The following CATSPER3 variants were observed in gnomAD, a reference collection of about 807,000 sequenced individuals.
CATSPER3 encodes the protein cation channel sperm associated 3, also known as cation channel sperm-associated protein 3.
A neutral mutation model predicts 36.6 loss-of-function variants in CATSPER3; 23 were observed. The observed-to-expected ratio is 0.63, with a 90% confidence interval of 0.45 to 0.89. The LOEUF (loss-of-function observed/expected upper bound fraction) is 0.89. Among genes scored for constraint, CATSPER3 ranks in the 40% least tolerant of loss-of-function variants. CATSPER3 has a pLI of 0.00. For synonymous variants in CATSPER3, 172 were observed against 184.1 expected, an observed-to-expected ratio of 0.93 and a Z score of 0.53; for missense variants, 474 against 503.9, an observed-to-expected ratio of 0.94 and a Z score of 0.57.
chr5:135,010,516 C>G lies in CATSPER3; in HGVS notation c.1080C>G (p.Asp360Glu). The G allele has an allele frequency of 6.2e-7, 1 of 1,614,152 alleles. No individual in the cohort carries two copies. Among genetic ancestry groups the G allele is most frequent in the Non-Finnish European group, 8.5e-7 (1 of 1,179,962 alleles). The change falls in exon 7 of 8, where the codon GAC becomes GAG. Residue 360 changes from aspartate to glutamate, a missense_variant. By Grantham distance (45) the Asp-to-Glu change is conservative. Coordinates refer to ENST00000282611, the MANE Select transcript of CATSPER3 (RefSeq NM_178019.3). ...ACTTTTCCACTCTGGACTACCAGGA[C>G]ACAACTGTCCACAAGTCAGTTCCAG... is the stretch of plus-strand genomic sequence containing the variant. ...DIYFSTLDYQ[D>E]TTVHKLQELY...
chr5:134,971,401 A>G (rs1168950031), intron 2 of CATSPER3, among the ~76,000 whole-genome samples: 1 of 152,144 alleles, frequency 6.6e-6, no homozygotes. Context: ...GGCCTGGGCA[A>G]CAGAGTGAGA....
intron 2 of CATSPER3, among the ~76,000 whole-genome samples, chr5:134,994,454 T>C (rs1428570166): frequency 6.6e-6 from 1 of 152,230 alleles, no homozygotes; most frequent in Non-Finnish European, 1.5e-5. Flanking sequence ...ATTGCTGATA[T>C]TAAAGTAGAT....
chr5:135,006,293 T>G (rs1752085202), intron 3 of CATSPER3, among the ~76,000 whole-genome samples: 1 of 152,132 alleles, frequency 6.6e-6, no homozygotes, highest in East Asian at 1.9e-4. Context: ...GCTCTAAAGG[T>G]TGCTCAGCTT....
rs557177747 is a variant in CATSPER3, at chr5:134,976,538, T to C, written c.252+6446T>C. Among the ~76,000 whole-genome samples, 21 of 152,370 alleles carry C rather than the reference T, an allele frequency of 1.4e-4. 1 individual carries two copies. In the South Asian group the frequency reaches 3.7e-3, roughly 27 times the overall value. On this transcript the variant is annotated intron_variant, in intron 2 of 7. Coordinates refer to ENST00000282611, the MANE Select transcript of CATSPER3 (RefSeq NM_178019.3). ...GTTGGAGTTGAGTACTTGCAGCTTT[T>C]CTAGGCTTAGGATGTAAGCTGCTCA...
At chr5:135,011,409 C>A in intron 7 of CATSPER3, 112 bp from the exon 8 acceptor site, 1 of 786,756 alleles carries the variant, frequency 1.3e-6, no homozygotes, top group Non-Finnish European at 2.2e-6. Flanking sequence ...GAAGTCCTTG[C>A]TCTTCTTTGA....
chr5:134,999,717 A>C lies in CATSPER3; in HGVS notation c.492+3205A>C, dbSNP rs557511600. On this transcript the variant is annotated intron_variant, in intron 3 of 7. Transcript: ENST00000282611. ...TTATTTGGCTCTCTGTTTGTGTGTT[A>C]TTGGTGTATAGGAATGCTTGTGATT... Among the ~76,000 whole-genome samples, 18 of 152,186 alleles carry C rather than the reference A, an allele frequency of 1.2e-4. No homozygotes were observed. In the East Asian group the frequency reaches 2.9e-3, roughly 24 times the overall value.
intron 2 of CATSPER3, among the ~76,000 whole-genome samples, chr5:134,989,396 A>G (rs1254451752): frequency 6.6e-6 from 1 of 152,196 alleles, no homozygotes; most frequent in African/African-American, 2.4e-5. Flanking sequence ...TTCAGATATA[A>G]GTCTTTTTTA....
At chr5:134,968,331 C>G in intron 1 of CATSPER3, 1 of 484,944 alleles carries the variant, frequency 2.1e-6, no homozygotes, top group Non-Finnish European at 3.8e-6. Context: ...GAAGGCTTTT[C>G]TCTTTTTTTA....
intron 3 of CATSPER3, among the ~76,000 whole-genome samples, chr5:135,005,406 TG>T (rs1047059564): frequency 6.6e-6 from 1 of 152,202 alleles, no homozygotes; most frequent in African/African-American, 2.4e-5. Flanking sequence ...AGTGATTCCC[TG>T]GGGATCACCA....
intron 2 of CATSPER3, among the ~76,000 whole-genome samples, chr5:134,983,630 G>A (rs1751775035): frequency 6.6e-6 from 1 of 152,154 alleles, no homozygotes; most frequent in African/African-American, 2.4e-5. Context: ...GATAGCTGGG[G>A]TGGCTATACT....
chr5:135,010,223 G>A lies in CATSPER3; in HGVS notation c.937-150G>A, dbSNP rs943219736. On this transcript the variant is annotated intron_variant, in intron 6 of 7. Coordinates refer to ENST00000282611, the MANE Select transcript of CATSPER3 (RefSeq NM_178019.3). The stretch of plus-strand genomic sequence containing the variant: ...ACCCCGGAGTCCAGGTTCAGAAGGG[G>A]TCAGGATGAAGTTGTGACAAGGCTG... The A allele has an allele frequency of 2.1e-5, 15 of 728,192 alleles. No homozygotes were observed. In the African/African-American group the frequency reaches 2.1e-4, roughly 10 times the overall value. The allele number at this position is 728,192 out of a possible 1,614,324, so 45.1% of individuals were successfully genotyped here.
intron 2 of CATSPER3, chr5:134,975,390 A>ACAAG (rs1237727670): frequency 6.6e-6 from 1 of 151,432 alleles, no homozygotes; most frequent in African/African-American, 2.4e-5. Flanking sequence ...AGACAAACAA[A>ACAAG]CAAACAAAAA....
intron 2 of CATSPER3, among the ~76,000 whole-genome samples, chr5:134,979,259 C>G (rs1007107784): frequency 3.3e-5 from 5 of 152,144 alleles, no homozygotes; most frequent in African/African-American, 1.2e-4. Context: ...ACCTCAGCCT[C>G]CTGAGTAGCT....
intron 2 of CATSPER3, among the ~76,000 whole-genome samples, chr5:134,982,152 T>TTC (rs964915785): frequency 6.6e-6 from 1 of 152,096 alleles, no homozygotes; most frequent in African/African-American, 2.4e-5. Context: ...CTTGTTCACT[T>TTC]TGAGAAGCAG....
In CATSPER3 at chr5:134,996,521, A is replaced by C; in HGVS notation, c.492+9A>C. 1.2e-6 allele frequency: 2 copies of C among 1,613,538 alleles called. No individual in the cohort carries two copies. The highest frequency in any genetic ancestry group is 2.2e-5 in the South Asian group (2 of 91,064). On this transcript the variant is annotated intron_variant, in intron 3 of 7. Transcript: ENST00000282611. ...ATAGCCAGGGCATCCGGGTGAGTGC[A>C]CTGGGGGTGTCATGGTGCTGGGAGG... is the stretch of plus-strand genomic sequence containing the variant.
chr5:135,010,521 C>T lies in CATSPER3; in HGVS notation c.1085C>T (p.Thr362Ile). ...YFSTLDYQDT[T>I]VHKLQELYYE... is the part of the protein sequence containing the mutation. Reference sequence around the variant, plus strand: ...TCCACTCTGGACTACCAGGACACAACTGTCCACAAGTCAGTTCCAGCCCCA... The same window carrying T: ...TCCACTCTGGACTACCAGGACACAATTGTCCACAAGTCAGTTCCAGCCCCA... The change falls in exon 7 of 8, where the codon ACT (threonine) becomes ATT (isoleucine). Residue 362 changes from threonine (T) to isoleucine (I), a missense_variant. Transcript: ENST00000282611. The T allele has an allele frequency of 3.1e-6, 5 of 1,614,164 alleles. No individual in the cohort carries two copies. The highest frequency in any genetic ancestry group is 4.2e-6 in the Non-Finnish European group (5 of 1,179,982).
intron 3 of CATSPER3, among the ~76,000 whole-genome samples, chr5:134,999,307 G>A (rs1352639624): frequency 6.6e-6 from 1 of 152,148 alleles, no homozygotes; most frequent in Non-Finnish European, 1.5e-5. Context: ...TGCTGTTTTG[G>A]TTACTGCAGC....
At position 134,996,265 on chromosome 5, in the gene CATSPER3, C is replaced by T. The variant is rs1268924770; in HGVS notation, c.253-8C>T. 6.2e-7 allele frequency: 1 copy of T among 1,614,118 alleles called. No individual in the cohort carries two copies. The highest frequency in any genetic ancestry group is 1.3e-5 in the African/African-American group (1 of 74,950). On this transcript the variant is annotated splice_region_variant and splice_polypyrimidine_tract_variant and intron_variant, in intron 2 of 7. Transcript: ENST00000282611. The stretch of plus-strand genomic sequence containing the variant: ...ATCTGACTTCTCCAACCCTTGCTAC[C>T]CCTGTAGTTCTCGGAGATCTTCTTT...
chr5:134,988,062 C>G (rs992100479), intron 2 of CATSPER3, among the ~76,000 whole-genome samples: 3 of 152,132 alleles, frequency 2.0e-5, no homozygotes, highest in Non-Finnish European at 4.4e-5. Flanking sequence ...TAAAGTGAGT[C>G]ACATGAATTT....
Sources: gnomAD v4.1 joint callset for allele counts (sites outside exome capture counted in the v4.1 genomes callset) on GRCh38, gnomAD v4.1.1 for gene constraint, MANE v1.5 for transcripts, NCBI Gene and HGNC (gene_info 2026-07-23, HGNC 2026-07-21) for gene names.